WDR20: variants seen among roughly 807,000 people sequenced by gnomAD.
WDR20 encodes the protein WD repeat-containing protein 20.
WDR20 carries 3 observed loss-of-function variants against 38.7 expected under a neutral mutation model. The observed-to-expected ratio is 0.08, with a 90% confidence interval of 0.04 to 0.20. The LOEUF is 0.20. WDR20 is among the 10% of genes least tolerant of loss of function. The pLI, the probability that WDR20 is intolerant of heterozygous loss-of-function variation, is 1.00. For synonymous variants in WDR20, 298 were observed against 285.6 expected (o/e 1.04, Z -0.44); for missense variants, 559 against 727.7 (o/e 0.77, Z 2.67).
At chr14:102,216,111 TC>T (rs1170445307), downstream of WDR20, among the ~76,000 whole-genome samples, 2 of 152,172 alleles carry the variant, frequency 1.3e-5, no homozygotes, top group Non-Finnish European at 2.9e-5. Context: ...GGTGGGGAAC[TC>T]CCAGAAGCTT....
At chr14:102,185,776 A>G (rs2064520717) in intron 1 of WDR20, among the ~76,000 whole-genome samples, 1 of 151,290 alleles carries the variant, frequency 6.6e-6, no homozygotes, top group Non-Finnish European at 1.5e-5. Context: ...AGATTGCGCC[A>G]CTGCAGTCCA....
chr14:102,196,721 G>T (rs1046866997), intron 2 of WDR20, among the ~76,000 whole-genome samples: 2 of 152,202 alleles, frequency 1.3e-5, no homozygotes, highest in South Asian at 2.1e-4. Context: ...CACTCAGGCT[G>T]CATTGGCCAG....
chr14:102,212,025 T>C (rs902303119), downstream of WDR20, among the ~76,000 whole-genome samples: 1 of 152,112 alleles, frequency 6.6e-6, no homozygotes, highest in East Asian at 1.9e-4. Flanking sequence ...TCGCAGTGGC[T>C]GGGATGAAAG....
At chr14:102,217,046 C>T (rs752028083), downstream of WDR20, among the ~76,000 whole-genome samples, 5 of 152,204 alleles carry the variant, frequency 3.3e-5, no homozygotes, top group East Asian at 3.9e-4. Context: ...AGCTCCCTAC[C>T]ACCCCTTCCA....
At chr14:102,142,774 C>CTTTTTTTTTTTT (rs71116885) in intron 1 of WDR20, among the ~76,000 whole-genome samples, 5 of 85,018 alleles carry the variant, frequency 5.9e-5, no homozygotes, top group Non-Finnish European at 8.8e-5. Flanking sequence ...GCTGTTTTGA[C>CTTTTTTTTTTTT]TTTTTTTTTT....
chr14:102,178,900 G>T lies in WDR20; in HGVS notation c.250-16038G>T, dbSNP rs539028080. ...TACTTTGCAGAAGAGGGAGTGGCGC[G>T]TCCCACTTTATATTATATAGAGATG... On this transcript the variant is annotated intron_variant, in intron 1 of 2. Coordinates refer to ENST00000342702, the MANE Select transcript of WDR20 (RefSeq NM_144574.4). 4 of 152,084 alleles carry T rather than the reference G, an allele frequency of 2.6e-5. No homozygotes were observed. In the East Asian group the frequency reaches 7.7e-4, roughly 29 times the overall value. 9.4% of individuals were successfully genotyped at this position (152,084 alleles called of 1,614,324 possible). A position where few individuals can be genotyped will look rare whatever the true frequency, so the allele number is the denominator to read the frequency against.
At chr14:102,191,265 C>T (rs1266692322) in intron 1 of WDR20, 1 of 152,182 alleles carries the variant, frequency 6.6e-6, no homozygotes, top group Non-Finnish European at 1.5e-5. Context: ...TGGGCTCTTT[C>T]TCTCGCTACC....
intron 1 of WDR20, among the ~76,000 whole-genome samples, chr14:102,153,823 CATCA>C (rs1450435057): frequency 1.3e-5 from 2 of 152,202 alleles, no homozygotes; most frequent in African/African-American, 4.8e-5. Flanking sequence ...TGTCACCATC[CATCA>C]GAGAACCTAC....
intron 1 of WDR20, among the ~76,000 whole-genome samples, chr14:102,156,029 C>T (rs1167030540): frequency 4.0e-5 from 6 of 151,498 alleles, no homozygotes; most frequent in Non-Finnish European, 2.9e-5. Flanking sequence ...CCTCCCACCT[C>T]GGCCTCCCAA....
At chr14:102,165,767 G>A (rs2059644220) in intron 1 of WDR20, among the ~76,000 whole-genome samples, 1 of 151,160 alleles carries the variant, frequency 6.6e-6, no homozygotes, top group Admixed American at 6.6e-5. Context: ...CTCCCAAGTA[G>A]CTGGGACTAC....
At chr14:102,216,945 T>C (rs117750532), downstream of WDR20, among the ~76,000 whole-genome samples, 2 of 152,016 alleles carry the variant, frequency 1.3e-5, no homozygotes, top group Non-Finnish European at 2.9e-5. Context: ...AGAAAAAAAA[T>C]AGCCATTTCT....
intron 1 of WDR20, among the ~76,000 whole-genome samples, chr14:102,185,427 T>TA (rs1224876621): frequency 6.6e-6 from 1 of 152,104 alleles, no homozygotes; most frequent in African/African-American, 2.4e-5. Flanking sequence ...TACATGGTGA[T>TA]AGAATCGTAG....
intron 1 of WDR20, among the ~76,000 whole-genome samples, chr14:102,187,847 T>G (rs1357493437): frequency 1.3e-5 from 2 of 152,058 alleles, no homozygotes; most frequent in East Asian, 3.9e-4. Flanking sequence ...TAAAGCTGGT[T>G]GGGGTGGGGC....
At chr14:102,159,602 G>C (rs1180670103) in intron 1 of WDR20, among the ~76,000 whole-genome samples, 1 of 152,166 alleles carries the variant, frequency 6.6e-6, no homozygotes, top group Admixed American at 6.6e-5. Flanking sequence ...GGGAGGCTGA[G>C]GTGGGCAGAT....
chr14:102,159,838 A>G (rs1341575088), intron 1 of WDR20, among the ~76,000 whole-genome samples: 2 of 151,456 alleles, frequency 1.3e-5, no homozygotes, highest in Non-Finnish European at 2.9e-5. Flanking sequence ...TGTCTCCAAA[A>G]AAATAAAAAC....
intron 1 of WDR20, among the ~76,000 whole-genome samples, chr14:102,148,694 TG>T (rs2054596626): frequency 2.0e-5 from 3 of 151,304 alleles, no homozygotes; most frequent in South Asian, 4.2e-4. Flanking sequence ...TGTGTGTGTG[TG>T]TGTGTGTGTG....
At chr14:102,143,713 T>C (rs2052392258) in intron 1 of WDR20, among the ~76,000 whole-genome samples, 1 of 151,810 alleles carries the variant, frequency 6.6e-6, no homozygotes, top group South Asian at 2.1e-4. Context: ...CCCAGCTAAT[T>C]TTTGTATTTT....
At chr14:102,179,229 T>A (rs2062843682) in intron 1 of WDR20, among the ~76,000 whole-genome samples, 1 of 152,104 alleles carries the variant, frequency 6.6e-6, no homozygotes, top group Non-Finnish European at 1.5e-5. Context: ...TTTAATAATA[T>A]TCATTTATTT....
chr14:102,210,334 T>A lies in WDR20; in HGVS notation c.*454T>A, dbSNP rs2062300175. 1 of 986,426 alleles carries A rather than the reference T, an allele frequency of 1.0e-6. No homozygotes were observed. The highest frequency in any genetic ancestry group is 1.2e-6 in the Non-Finnish European group (1 of 830,452). The allele number at this position is 986,426 out of a possible 1,614,324, so 61.1% of individuals were successfully genotyped here. On this transcript the variant is annotated 3_prime_UTR_variant, in exon 3 of 3. Transcript: ENST00000342702. Reference sequence around the variant, plus strand: ...ATGAATTGTCATTTATAGTCCAATTTTTTATCTTAATCATAAAATGTTTAG... The same window carrying A: ...ATGAATTGTCATTTATAGTCCAATTATTTATCTTAATCATAAAATGTTTAG...
Sources: gnomAD v4.1 joint callset for allele counts (sites outside exome capture counted in the v4.1 genomes callset) on GRCh38, gnomAD v4.1.1 for gene constraint, MANE v1.5 for transcripts, NCBI Gene and HGNC (gene_info 2026-07-23, HGNC 2026-07-21) for gene names.